The following PRKCH variants were observed in gnomAD, a reference collection of about 807,000 sequenced individuals.
PRKCH encodes the protein protein kinase C eta, also known as protein kinase C eta type.
In PRKCH, 28 loss-of-function variants were observed where a neutral mutation model predicts 82.5. The observed-to-expected ratio is 0.34, with a 90% CI of 0.25 to 0.47. PRKCH has a LOEUF of 0.47. PRKCH is among the 20% of genes least tolerant of loss of function. The pLI, the probability that PRKCH is intolerant of heterozygous loss-of-function variation, is 1.00. For missense variants in PRKCH, 705 were observed against 881.8 expected (o/e 0.80, Z 2.54); for synonymous variants, 322 against 327.4 (o/e 0.98, Z 0.18).
Position 61,206,985 on chromosome 14 carries a change from A to G in PRKCH, c.-19+19317A>G, listed in dbSNP as rs2044529441. Among the ~76,000 whole-genome samples the G allele has an allele frequency of 2.6e-5, 4 of 151,740 alleles. 1 individual carries two copies. The South Asian group carries it at 8.3e-4, about 32-fold the overall frequency. On this transcript the variant is annotated intron_variant, in intron 1 of 3. Transcript: ENST00000555185. ...GCCAGACGTGGTGGTGCATGCCTTT[A>G]ATCCCAGCTACTCGGGAGGCCGAGG...
chr14:61,210,131 T>A (rs760078353), intron 1 of PRKCH, among the ~76,000 whole-genome samples: 1 of 35,568 alleles, frequency 2.8e-5, no homozygotes, highest in Non-Finnish European at 4.8e-5. Flanking sequence ...TATATATATA[T>A]ATATATATAT....
intron 1 of PRKCH, among the ~76,000 whole-genome samples, chr14:61,385,044 T>G (rs904088263): frequency 6.6e-6 from 1 of 152,102 alleles, no homozygotes. Context: ...TAAAGACCAC[T>G]GTTATCTGGG....
At chr14:61,223,132 T>C (rs142134659) in intron 1 of PRKCH, among the ~76,000 whole-genome samples, 133 of 152,340 alleles carry the variant, frequency 8.7e-4, no homozygotes, top group African/African-American at 3.0e-3. Flanking sequence ...CTTAGGCTTT[T>C]AGAAGTGGAA....
intron 1 of PRKCH, among the ~76,000 whole-genome samples, chr14:61,313,029 C>T (rs1205306419): frequency 6.6e-6 from 1 of 152,098 alleles, no homozygotes; most frequent in Non-Finnish European, 1.5e-5. Context: ...TAGAGGTTTT[C>T]ATAAGTGACC....
At chr14:61,202,963 C>T (rs1318100094) in intron 1 of PRKCH, among the ~76,000 whole-genome samples, 2 of 152,126 alleles carry the variant, frequency 1.3e-5, no homozygotes, top group Non-Finnish European at 2.9e-5. Flanking sequence ...CATGCGTCCA[C>T]CATGACAGTA....
At position 61,375,963 on chromosome 14, in the gene PRKCH, G is replaced by T. The variant is rs139787537; in HGVS notation, c.364-15262G>T. On this transcript the variant is annotated intron_variant, in intron 1 of 13. Coordinates refer to ENST00000332981, the MANE Select transcript of PRKCH (RefSeq NM_006255.5). ...ACCCGGGAGGTAGAGGTTGCAGTGA[G>T]CCAAGATCATGCCACTGCACTCCAG... 1.2e-3 allele frequency among the ~76,000 whole-genome samples: 179 copies of T among 149,828 alleles called. 2 individuals carry two copies. Among genetic ancestry groups the T allele is most frequent in the African/African-American group, 4.2e-3 (168 of 40,380 alleles).
At chr14:61,347,368 C>G (rs1042446265) in intron 1 of PRKCH, among the ~76,000 whole-genome samples, 3 of 152,186 alleles carry the variant, frequency 2.0e-5, no homozygotes, top group East Asian at 3.8e-4. Context: ...GACAGTGTCA[C>G]TGCAGGTCTA....
At chr14:61,384,324 T>C (rs1215514165) in intron 1 of PRKCH, among the ~76,000 whole-genome samples, 1 of 152,178 alleles carries the variant, frequency 6.6e-6, no homozygotes, top group Non-Finnish European at 1.5e-5. Context: ...TCCCAGATGG[T>C]GGTCCGTGGT....
intron 4 of PRKCH, among the ~76,000 whole-genome samples, chr14:61,448,947 A>G (rs1884357161): frequency 6.6e-6 from 1 of 152,118 alleles, no homozygotes. Context: ...GAAGGAAGAA[A>G]TAGGCCCAGG....
intron 1 of PRKCH, among the ~76,000 whole-genome samples, chr14:61,329,254 T>TTTTTTGG (rs1555375988): frequency 8.2e-6 from 1 of 122,440 alleles, no homozygotes; most frequent in African/African-American, 3.2e-5. Context: ...TTTTTTTTTT[T>TTTTTTGG]GAGACAGAAT....
intron 9 of PRKCH, among the ~76,000 whole-genome samples, chr14:61,467,863 T>C (rs917548021): frequency 6.6e-6 from 1 of 152,208 alleles, no homozygotes; most frequent in African/African-American, 2.4e-5. Flanking sequence ...AAATATCTCA[T>C]TTAATACCCA....
At chr14:61,224,540 G>T (rs1375081171) in intron 1 of PRKCH, among the ~76,000 whole-genome samples, 1 of 152,192 alleles carries the variant, frequency 6.6e-6, no homozygotes, top group Non-Finnish European at 1.5e-5. Flanking sequence ...ACAGTCCTGA[G>T]GAGTGCTGTG....
intron 10 of PRKCH, among the ~76,000 whole-genome samples, chr14:61,513,636 G>A (rs1349383024): frequency 3.3e-5 from 5 of 152,046 alleles, no homozygotes. Context: ...CTAGAAAAAT[G>A]AAATTTCCAA....
At chr14:61,405,847 T>G (rs1384118395) in intron 2 of PRKCH, among the ~76,000 whole-genome samples, 1 of 152,208 alleles carries the variant, frequency 6.6e-6, no homozygotes, top group Non-Finnish European at 1.5e-5. Flanking sequence ...TCTTACTGAA[T>G]TTTGATGATA....
rs532758761 is a variant in PRKCH, at chr14:61,470,127, G to C, written c.1278+12448G>C. 2.6e-5 allele frequency among the ~76,000 whole-genome samples: 4 copies of C among 151,532 alleles called. No individual in the cohort carries two copies. In the Middle Eastern group the frequency reaches 0.014, roughly 515 times the overall value. On this transcript the variant is annotated intron_variant, in intron 9 of 13. Coordinates refer to ENST00000332981, the MANE Select transcript of PRKCH (RefSeq NM_006255.5). The stretch of plus-strand genomic sequence containing the variant: ...GGGGGGCTTGTCTGAAGCTGCATTT[G>C]CATATCAAGTGCTCCGTTATATTTT...
intron 4 of PRKCH, among the ~76,000 whole-genome samples, chr14:61,446,311 A>C (rs1227651629): frequency 1.3e-5 from 2 of 152,264 alleles, no homozygotes; most frequent in Non-Finnish European, 2.9e-5. Flanking sequence ...GGAAAGAAAT[A>C]CAATGGCAGG....
chr14:61,483,315 G>T (rs1037344884), intron 9 of PRKCH, among the ~76,000 whole-genome samples: 23 of 152,218 alleles, frequency 1.5e-4, no homozygotes, highest in Non-Finnish European at 2.1e-4. Flanking sequence ...GCTCATCAAA[G>T]CTTGTCCCAC....
Position 61,384,727 on chromosome 14 carries a change from A to C in PRKCH, c.364-6498A>C, listed in dbSNP as rs1263997436. Among the ~76,000 whole-genome samples the C allele has an allele frequency of 2.6e-5, 4 of 152,034 alleles. No individual in the cohort carries two copies. In the East Asian group the frequency reaches 7.7e-4, roughly 29 times the overall value. On this transcript the variant is annotated intron_variant, in intron 1 of 13. Transcript: ENST00000332981. ...GCTCTGAGGGTGCACGTTGGGAATC[A>C]TTCAGTCAAGAAATGCTTTCCCGAG...
intron 10 of PRKCH, among the ~76,000 whole-genome samples, chr14:61,514,847 C>T (rs181276554): frequency 6.0e-4 from 92 of 152,284 alleles, no homozygotes; most frequent in African/African-American, 6.7e-4. Context: ...ACAGCCCAGA[C>T]GGGATTTTGA....
Sources: allele counts gnomAD v4.1 joint callset (sites outside exome capture counted in the v4.1 genomes callset), GRCh38; gene constraint gnomAD v4.1.1; transcripts MANE v1.5; gene names NCBI Gene and HGNC (gene_info 2026-07-23, HGNC 2026-07-21).